The following ADAR variants were observed in gnomAD, a reference collection of about 807,000 sequenced individuals.
ADAR encodes the protein double-stranded RNA-specific adenosine deaminase.
Under a neutral mutation model 113.2 loss-of-function variants are expected in ADAR, and 41 were observed. That is an observed-to-expected ratio of 0.36 (90% CI 0.28 to 0.47). The LOEUF (loss-of-function observed/expected upper bound fraction) is 0.47. Ranked by LOEUF, ADAR falls within the 20% of genes least tolerant of loss-of-function variation. ADAR has a pLI of 1.00. For synonymous variants in ADAR, 605 were observed against 572.6 expected (o/e 1.06, Z -0.81); for missense variants, 1,242 against 1,540.9 (o/e 0.81, Z 3.25).
At chr1:154,589,550 G>T in intron 8 of ADAR, 88 bp from the exon 9 acceptor site, 1 of 1,307,352 alleles carries the variant, frequency 7.6e-7, no homozygotes, top group Non-Finnish European at 1.1e-6. Flanking sequence ...AAGCTTCAAG[G>T]CAGAAACAGC....
chr1:154,610,826 A>AAAAAAAAAAC, upstream of ADAR, among the ~76,000 whole-genome samples: 1 of 129,388 alleles, frequency 7.7e-6, no homozygotes, highest in African/African-American at 4.4e-5. Context: ...AAAAAAAAGA[A>AAAAAAAAAAC]AAAAAAAAAA....
At position 154,589,860 on chromosome 1, in the gene ADAR, CAG is replaced by C. The variant is rs1366641379; in HGVS notation, c.2563_2564del (p.Leu855AspfsTer2). ...GCAAGGAGGGCTGGAAGCTGTTAGT[CAG>C]AGTGTTGAAGCACCGGTGGCTCAGC... ...AMLSHRCFNT[L>X]TNSFQPSLLG... On this transcript the variant is annotated frameshift_variant, in exon 8 of 15. Coordinates refer to ENST00000368474, the MANE Select transcript of ADAR (RefSeq NM_001111.5). LOFTEE classifies it high-confidence loss of function. 1 of 1,614,016 alleles carries C rather than the reference CAG, an allele frequency of 6.2e-7. No individual in the cohort carries two copies. The highest frequency in any genetic ancestry group is 1.3e-5 in the African/African-American group (1 of 75,002).
At position 154,626,282 on chromosome 1, in the gene ADAR, T is replaced by C. The variant is rs1432022644; in HGVS notation, c.-871+1573A>G. Among the ~76,000 whole-genome samples the C allele has an allele frequency of 5.9e-5, 9 of 151,996 alleles. No homozygotes were observed. The East Asian group carries it at 1.8e-3, about 30-fold the overall frequency. ...GATGTGCACCATCATGCTGGTCTAA[T>C]TTTTGTATTTTTAGTAGAGACGGGG... On this transcript the variant is annotated intron_variant, in intron 1 of 14. Transcript: ENST00000368471.
At position 154,588,132 on chromosome 1, in the gene ADAR, C is replaced by T; in HGVS notation, c.3012G>A (p.Val1004=). Residue 1004 remains valine (V), a synonymous_variant, in exon 11 of 15, where the codon GTG becomes GTA. Transcript: ENST00000368474. ...NPKQGKLRTK[V]ENGEGTIPVE... ...GGGGCATGTATCACTCACCGTTCTC[C>T]ACCTTGGTGCGGAGCTTTCCTTGTT... 1 of 1,613,824 alleles carries T rather than the reference C, an allele frequency of 6.2e-7. No individual in the cohort carries two copies. Among genetic ancestry groups the T allele is most frequent in the Non-Finnish European group, 8.5e-7 (1 of 1,179,976 alleles).
chr1:154,620,823 T>C (rs1285478319), intron 1 of ADAR, among the ~76,000 whole-genome samples: 2 of 152,202 alleles, frequency 1.3e-5, no homozygotes, highest in Admixed American at 6.5e-5. Flanking sequence ...TTAAAATACA[T>C]TGAAAGGTAC....
chr1:154,591,056 C>T (rs1697115622), intron 6 of ADAR, among the ~76,000 whole-genome samples: 2 of 152,160 alleles, frequency 1.3e-5, no homozygotes, highest in African/African-American at 2.4e-5. Flanking sequence ...CTTTGTTTCA[C>T]TACTGTAAAT....
chr1:154,590,151 C>CG (rs762791967), intron 7 of ADAR, 33 bp downstream of exon 7: 109 of 1,328,452 alleles, frequency 8.2e-5, no homozygotes, highest in Admixed American at 1.4e-4. Flanking sequence ...ACCCCCCCGC[C>CG]CCAAAAAAGG....
intron 13 of ADAR, 52 bp downstream of exon 13, chr1:154,585,701 A>T: frequency 1.4e-6 from 2 of 1,472,714 alleles, no homozygotes. Flanking sequence ...TGTTTACATG[A>T]CTGCTTGAAA....
intron 11 of ADAR, 85 bp downstream of exon 11, chr1:154,588,040 A>G: frequency 1.9e-6 from 3 of 1,594,756 alleles, no homozygotes; most frequent in Non-Finnish European, 2.6e-6. Context: ...CTAATGGTAA[A>G]ATCCTAGCAG....
At position 154,586,292 on chromosome 1, in the gene ADAR, G is replaced by C. The variant is rs1346683429; in HGVS notation, c.3091C>G (p.Leu1031Val). 1.2e-6 allele frequency: 2 copies of C among 1,614,064 alleles called. No individual in the cohort carries two copies. The highest frequency in any genetic ancestry group is 1.3e-5 in the African/African-American group (1 of 74,924). Residue 1031 changes from leucine (L) to valine (V), a missense_variant, in exon 12 of 15, where the codon CTC (leucine) becomes GTC (valine). By Grantham distance (32) the Leu-to-Val change is conservative. Around this residue, in one of 2 missense-constraint regions of ADAR, gnomAD observed 780 missense variants for 1,057.9 expected, o/e 0.74. Coordinates refer to ENST00000368474, the MANE Select transcript of ADAR (RefSeq NM_001111.5). ...TWDGIRLGER[L>V]RTMSCSDKIL... The stretch of plus-strand genomic sequence containing the variant: ...TTGTCACTACAGGACATGGTACGGA[G>C]TCTCTCCCCGAGCCGAATGCCATCC...
Position 154,589,881 on chromosome 1 carries a change from G to A in ADAR, c.2544C>T (p.Ser848=). 6.2e-7 allele frequency: 1 copy of A among 1,614,086 alleles called. No individual in the cohort carries two copies. Among genetic ancestry groups the A allele is most frequent in the Non-Finnish European group, 8.5e-7 (1 of 1,180,016 alleles). Reference sequence around the variant, plus strand: ...TAGTCAGAGTGTTGAAGCACCGGTGGCTCAGCATGGCTATCTGGTCATGGA... The same window carrying A: ...TAGTCAGAGTGTTGAAGCACCGGTGACTCAGCATGGCTATCTGGTCATGGA... ...STFHDQIAML[S]HRCFNTLTNS... The change falls in exon 8 of 15, where the codon AGC becomes AGT. Residue 848 remains serine (S), a synonymous_variant. Transcript: ENST00000368474.
At chr1:154,590,135 A>AGGCGGGGGGGGGGGGGGGGGGGGGGGGG in intron 7 of ADAR, 49 bp downstream of exon 7, 7 of 1,205,012 alleles carry the variant, frequency 5.8e-6, no homozygotes, top group East Asian at 2.5e-5. Flanking sequence ...CTTAGGAGTT[A>AGGCGGGGGGGGGGGGGGGGGGGGGGGGG]GGAGGACCCC....
intron 6 of ADAR, among the ~76,000 whole-genome samples, chr1:154,592,260 T>C (rs1030609077): frequency 3.9e-5 from 6 of 152,216 alleles, no homozygotes; most frequent in Admixed American, 3.3e-4. Flanking sequence ...GCTCAGGCAG[T>C]ACTTCTTGGG....
chr1:154,599,372 C>A (rs1475099290), intron 2 of ADAR, among the ~76,000 whole-genome samples: 1 of 152,120 alleles, frequency 6.6e-6, no homozygotes, highest in Non-Finnish European at 1.5e-5. Context: ...TAGTGTGAGT[C>A]CAAAGAATGA....
chr1:154,586,994 T>C (rs547548633), intron 11 of ADAR, among the ~76,000 whole-genome samples: 23 of 152,330 alleles, frequency 1.5e-4, no homozygotes, highest in African/African-American at 5.3e-4. Context: ...ATATAGTTCA[T>C]ATGCCATACA....
intron 1 of ADAR, chr1:154,606,036 C>T (rs963722756): frequency 1.2e-5 from 10 of 820,150 alleles, no homozygotes; most frequent in South Asian, 5.5e-5. Context: ...GACGGAGTCT[C>T]GCTCTGTTGC....
At position 154,585,456 on chromosome 1, in the gene ADAR, CCT is replaced by C. The variant is rs1696696878; in HGVS notation, c.3316-114_3316-113del. 2.3e-5 allele frequency: 35 copies of C among 1,516,758 alleles called. No homozygotes were observed. The South Asian group carries it at 4.0e-4, about 17-fold the overall frequency. The allele number at this position is 1,516,758 out of a possible 1,614,324, so 94.0% of individuals were successfully genotyped here. On this transcript the variant is annotated intron_variant, in intron 13 of 14. Transcript: ENST00000368474. ...GGAAGTGTGGGGTCATGATCTTTCCCCTGTATTTAGGGTTCTGTTTGGCTAAG... is the reference window on the plus strand; with the variant it reads ...GGAAGTGTGGGGTCATGATCTTTCCCGTATTTAGGGTTCTGTTTGGCTAAG...
chr1:154,618,135 A>C, intron 1 of ADAR, among the ~76,000 whole-genome samples: 1 of 151,076 alleles, frequency 6.6e-6, no homozygotes, highest in South Asian at 2.1e-4. Context: ...GTAAGTATAT[A>C]TTCTTTATAT....
At chr1:154,589,494 A>G in intron 8 of ADAR, 32 bp from the exon 9 acceptor site, 1 of 1,564,788 alleles carries the variant, frequency 6.4e-7, no homozygotes, top group Non-Finnish European at 8.8e-7. Context: ...AAATAGAATA[A>G]TGGAAGGAAA....
Sources: gnomAD v4.1 joint callset for allele counts (sites outside exome capture counted in the v4.1 genomes callset) on GRCh38, gnomAD v4.1.1 for gene constraint, gnomAD v4.1.1 regional missense constraint, MANE v1.5 for transcripts, NCBI Gene and HGNC (gene_info 2026-07-23, HGNC 2026-07-21) for gene names.